MTHFD1L: variants seen among roughly 807,000 people sequenced by gnomAD.
MTHFD1L encodes monofunctional C1-tetrahydrofolate synthase, mitochondrial.
MTHFD1L carries 81 observed loss-of-function variants against 119.5 expected under a neutral mutation model. That is an observed-to-expected ratio of 0.68 (90% confidence interval 0.57 to 0.82). The LOEUF (loss-of-function observed/expected upper bound fraction) is 0.82, where lower values mean the gene tolerates loss of function less well. Among genes scored for constraint, MTHFD1L ranks in the 40% least tolerant of loss-of-function variants. MTHFD1L has a pLI of 0.00. For synonymous variants in MTHFD1L, 430 were observed against 475.2 expected (o/e 0.90, Z 1.24); for missense variants, 1,125 against 1,253.4 (o/e 0.90, Z 1.55).
intron 26 of MTHFD1L, among the ~76,000 whole-genome samples, chr6:151,051,749 G>A (rs1640251623): frequency 6.6e-6 from 1 of 152,252 alleles, no homozygotes; most frequent in Admixed American, 6.5e-5. Context: ...AAAGGTGTAA[G>A]TGCTAAATGC....
At chr6:151,091,119 G>C (rs1006633021) in intron 26 of MTHFD1L, among the ~76,000 whole-genome samples, 2 of 146,732 alleles carry the variant, frequency 1.4e-5, no homozygotes, top group Non-Finnish European at 3.0e-5. Context: ...GTACAGCATC[G>C]TTCTATGTGA....
In MTHFD1L at chr6:150,882,794, T is replaced by C; in HGVS notation, c.450T>C (p.Asp150=). The part of the protein sequence containing the change: ...IIDEILKINE[D]TRVHGLALQI... ...ATGAAATCTTAAAGATCAATGAAGATACCAGAGTACATGGCCTTGCCCTTC... is the reference window on the plus strand; with the variant it reads ...ATGAAATCTTAAAGATCAATGAAGACACCAGAGTACATGGCCTTGCCCTTC... The change falls in exon 5 of 28, where the codon GAT becomes GAC. Residue 150 remains aspartate, a synonymous_variant. Coordinates refer to ENST00000367321, the MANE Select transcript of MTHFD1L (RefSeq NM_015440.5). 6.4e-7 allele frequency: 1 copy of C among 1,558,142 alleles called. No individual in the cohort carries two copies. The highest frequency in any genetic ancestry group is 8.6e-7 in the Non-Finnish European group (1 of 1,160,230).
At chr6:150,925,285 G>A (rs1463512881) in intron 10 of MTHFD1L, among the ~76,000 whole-genome samples, 1 of 152,190 alleles carries the variant, frequency 6.6e-6, no homozygotes, top group Non-Finnish European at 1.5e-5. Context: ...TCTTGCTGCT[G>A]GGGGAACAGG....
At chr6:151,101,323 T>C (rs933987876) in intron 27 of MTHFD1L, among the ~76,000 whole-genome samples, 2 of 152,212 alleles carry the variant, frequency 1.3e-5, no homozygotes, top group African/African-American at 2.4e-5. Flanking sequence ...CCTGCTCTTA[T>C]AGAGTGGTGC....
At chr6:150,966,879 A>G (rs112865357) in intron 19 of MTHFD1L, among the ~76,000 whole-genome samples, 40 of 152,302 alleles carry the variant, frequency 2.6e-4, no homozygotes, top group African/African-American at 9.1e-4. Context: ...GTGCCCAGTG[A>G]GGATGCAGAC....
intron 8 of MTHFD1L, among the ~76,000 whole-genome samples, chr6:150,908,949 TG>T (rs1291076965): frequency 6.6e-6 from 1 of 152,150 alleles, no homozygotes; most frequent in Non-Finnish European, 1.5e-5. Context: ...TTAATAAACT[TG>T]TGGCTGGGTG....
chr6:151,095,591 C>G (rs1794834486), intron 27 of MTHFD1L, among the ~76,000 whole-genome samples: 1 of 152,256 alleles, frequency 6.6e-6, no homozygotes, highest in South Asian at 2.1e-4. Flanking sequence ...TTATTACCTA[C>G]TCCCTAACAA....
chr6:151,043,143 A>G (rs1171589047), intron 26 of MTHFD1L, among the ~76,000 whole-genome samples: 1 of 151,824 alleles, frequency 6.6e-6, no homozygotes, highest in East Asian at 1.9e-4. Context: ...CCCACATTCC[A>G]CTAAGCAAAT....
In MTHFD1L at chr6:150,926,207, A is replaced by G; in HGVS notation, c.1168A>G (p.Ile390Val). The G allele has an allele frequency of 1.2e-6, 2 of 1,614,114 alleles. No homozygotes were observed. Among genetic ancestry groups the G allele is most frequent in the East Asian group, 2.2e-5 (1 of 44,874 alleles). Residue 390 changes from isoleucine to valine, a missense_variant, in exon 11 of 28, where the codon ATC (isoleucine) becomes GTC (valine). Transcript: ENST00000367321. This position sits in a 1 kb window ranked among gnomAD's most constrained non-coding sequence, Gnocchi z 4.3. ...TGGATTGCTTGCAGATGAAATTGAA[A>G]TCTATGGCAAAAGCAAAGCCAAAGT... ...EIGLLADEIEIYGKSKAKVRL... is the reference protein window; with the variant it reads ...EIGLLADEIEVYGKSKAKVRL...
At chr6:150,883,450 G>A (rs746967597) in intron 5 of MTHFD1L, among the ~76,000 whole-genome samples, 18 of 151,982 alleles carry the variant, frequency 1.2e-4, no homozygotes, top group African/African-American at 3.6e-4. Flanking sequence ...AATAAATTCC[G>A]GTCTGACTTA....
chr6:151,095,780 T>G (rs921643973), intron 27 of MTHFD1L, among the ~76,000 whole-genome samples: 1 of 152,254 alleles, frequency 6.6e-6, no homozygotes, highest in Admixed American at 6.5e-5. Flanking sequence ...TACCCCTTGG[T>G]CACTGAGGGG....
At position 150,938,695 on chromosome 6, in the gene MTHFD1L, T is replaced by G. The variant is rs765445141; in HGVS notation, c.1394-4T>G. On this transcript the variant is annotated splice_region_variant and splice_polypyrimidine_tract_variant and intron_variant, in intron 12 of 27. Transcript: ENST00000367321. ...TTTGAAATGCCTCTTGCTCTGTTGTTTAGGAGGAGCCGCGGGTGGTGGATA... is the reference window on the plus strand; with the variant it reads ...TTTGAAATGCCTCTTGCTCTGTTGTGTAGGAGGAGCCGCGGGTGGTGGATA... The G allele has an allele frequency of 3.1e-6, 5 of 1,609,812 alleles. No individual in the cohort carries two copies. The Admixed American group carries it at 8.4e-5, about 27-fold the overall frequency.
Position 151,039,199 on chromosome 6 carries a change from C to T in MTHFD1L, c.2847+2082C>T, listed in dbSNP as rs1358475933. On this transcript the variant is annotated intron_variant, in intron 26 of 27. Coordinates refer to ENST00000367321, the MANE Select transcript of MTHFD1L (RefSeq NM_015440.5). This position sits in a 1 kb window ranked among gnomAD's most constrained non-coding sequence, Gnocchi z 4.4. ...GAAGGAGCAGCGGCATGGCAGAGAA[C>T]GTCCAGAAAAATCCCACAGACACCG... 2.0e-5 allele frequency among the ~76,000 whole-genome samples: 3 copies of T among 152,090 alleles called. No individual in the cohort carries two copies. The highest frequency in any genetic ancestry group is 6.6e-5 in the Admixed American group (1 of 15,256).
chr6:151,042,573 T>C (rs1278701453), intron 26 of MTHFD1L, among the ~76,000 whole-genome samples: 2 of 152,194 alleles, frequency 1.3e-5, no homozygotes, highest in Admixed American at 6.5e-5. Context: ...ATGCCAAAAA[T>C]AATTTAGTAG....
rs941944904 is a variant in MTHFD1L at position 150,935,979 on chromosome 6, A to G, written c.1257-825A>G. ...TGTAATAGGCTCTCTTCAATACCTA[A>G]TACTGTGATGTTATGAACATGGGAA... On this transcript the variant is annotated intron_variant, in intron 11 of 27. Transcript: ENST00000367321. Among the ~76,000 whole-genome samples, 18 of 152,196 alleles carry G rather than the reference A, an allele frequency of 1.2e-4. 1 individual carries two copies. The highest frequency in any genetic ancestry group is 4.1e-4 in the African/African-American group (17 of 41,450).
chr6:150,945,566 T>A, intron 15 of MTHFD1L, 25 bp downstream of exon 15: 1 of 1,601,018 alleles, frequency 6.2e-7, no homozygotes, highest in Non-Finnish European at 8.5e-7. Flanking sequence ...AGCAATTCTT[T>A]AAAAAGAAAA....
rs71014527 is a variant in MTHFD1L, at chr6:150,865,721, C to CCCGCCGCCG, written c.-84_-76dup. The CCCGCCGCCG allele has an allele frequency of 0.021, 20,093 of 966,762 alleles. 257 individuals are homozygous for CCCGCCGCCG. Among genetic ancestry groups the CCCGCCGCCG allele is most frequent in the Non-Finnish European group, 0.024 (18,385 of 779,864 alleles). The allele number at this position is 966,762 out of a possible 1,614,324, so 59.9% of individuals were successfully genotyped here. A position where few individuals can be genotyped will look rare whatever the true frequency, so the allele number is the denominator to read the frequency against. On this transcript the variant is annotated 5_prime_UTR_variant, in exon 1 of 28. Coordinates refer to ENST00000367321, the MANE Select transcript of MTHFD1L (RefSeq NM_015440.5). ...GACGAGGAGGAAGCGCCAGGTCCTT[C>CCCGCCGCCG]CCGCCGCCGCCGCCGCCGCCGCCGC...
chr6:150,945,094 G>C (rs543281734), intron 14 of MTHFD1L, among the ~76,000 whole-genome samples: 39 of 152,340 alleles, frequency 2.6e-4, no homozygotes, highest in Admixed American at 2.2e-3. Context: ...CACAGATATA[G>C]GACATAGATA....
intron 7 of MTHFD1L, among the ~76,000 whole-genome samples, chr6:150,891,420 CATATA>C (rs1159883736): frequency 7.4e-5 from 11 of 148,996 alleles, no homozygotes; most frequent in Non-Finnish European, 8.9e-5. Flanking sequence ...TACATACATA[CATATA>C]ATATGTATTA....
Sources: gnomAD v4.1 joint callset for allele counts (sites outside exome capture counted in the v4.1 genomes callset) on GRCh38, gnomAD v4.1.1 for gene constraint, Gnocchi (gnomAD v3.1) non-coding constraint, MANE v1.5 for transcripts, NCBI Gene and HGNC (gene_info 2026-07-23, HGNC 2026-07-21) for gene names.